LRRC31: variants seen among roughly 807,000 people sequenced by gnomAD.
The protein encoded by LRRC31 is leucine rich repeat containing 31.
Under a neutral mutation model 46.7 loss-of-function variants are expected in LRRC31, and 35 were observed. That is an observed-to-expected ratio of 0.75 (90% CI 0.57 to 0.99). LRRC31 has a LOEUF of 0.99. Ranked by LOEUF, LRRC31 falls within the 50% of genes least tolerant of loss-of-function variation. LRRC31 has a pLI of 0.00. For missense variants in LRRC31, 613 were observed against 626.1 expected, an observed-to-expected ratio of 0.98 and a Z score of 0.22; for synonymous variants, 236 against 235.1, an observed-to-expected ratio of 1.00 and a Z score of -0.03.
rs920281083 is a variant in LRRC31, at chr3:169,839,254, A to G, written c.*728T>C. ...GGAGGCAATATGTTAACAATTTTTT[A>G]AACAATAAAAGGTTTTAATTTATTC... On this transcript the variant is annotated 3_prime_UTR_variant, in exon 9 of 9. Transcript: ENST00000316428. 1 of 152,268 alleles carries G rather than the reference A, an allele frequency of 6.6e-6. No individual in the cohort carries two copies. The highest frequency in any genetic ancestry group is 1.5e-5 in the Non-Finnish European group (1 of 68,040). The allele number at this position is 152,268 out of a possible 1,614,324, so 9.4% of individuals were successfully genotyped here.
rs952224105 is a variant in LRRC31, at chr3:169,869,885, G to T, written c.-78C>A. ...TTTTCTAGGATTTCTAAGAAGAAAA[G>T]AAGATTCTGTCAAGCCTGTGTTCAA... On this transcript the variant is annotated 5_prime_UTR_variant, in exon 1 of 9. Coordinates refer to ENST00000316428, the MANE Select transcript of LRRC31 (RefSeq NM_024727.4). 3 of 1,347,276 alleles carry T rather than the reference G, an allele frequency of 2.2e-6. No homozygotes were observed. Among genetic ancestry groups the T allele is most frequent in the African/African-American group, 1.5e-5 (1 of 68,084 alleles). The allele number at this position is 1,347,276 out of a possible 1,614,324, so 83.5% of individuals were successfully genotyped here. A position where few individuals can be genotyped will look rare whatever the true frequency, so the allele number is the denominator to read the frequency against.
chr3:169,860,242 T>G (rs2108222496), intron 3 of LRRC31, among the ~76,000 whole-genome samples: 1 of 151,832 alleles, frequency 6.6e-6, no homozygotes, highest in Non-Finnish European at 1.5e-5. Context: ...TTTTTTTTTG[T>G]TTGGAGATGG....
At chr3:169,850,403 G>A (rs1780722452) in intron 7 of LRRC31, among the ~76,000 whole-genome samples, 1 of 152,076 alleles carries the variant, frequency 6.6e-6, no homozygotes, top group Non-Finnish European at 1.5e-5. Context: ...CACATGTCTG[G>A]ATGGGGAAAA....
At chr3:169,860,516 C>CG (rs779436897) in intron 3 of LRRC31, 45 bp downstream of exon 3, 1 of 1,604,302 alleles carries the variant, frequency 6.2e-7, no homozygotes, top group Admixed American at 1.7e-5. Context: ...CTGTGAGCCA[C>CG]GGCGCCCGGC....
At chr3:169,843,144 A>G (rs1335770498) in intron 8 of LRRC31, among the ~76,000 whole-genome samples, 1 of 152,186 alleles carries the variant, frequency 6.6e-6, no homozygotes, top group Non-Finnish European at 1.5e-5. Context: ...ATTTCCTCCT[A>G]CTGCTGGCAG....
intron 1 of LRRC31, among the ~76,000 whole-genome samples, chr3:169,867,949 G>A (rs1259544137): frequency 6.6e-6 from 1 of 152,128 alleles, no homozygotes; most frequent in East Asian, 1.9e-4. Flanking sequence ...GACAAACAAG[G>A]AACTCACTGA....
intron 7 of LRRC31, among the ~76,000 whole-genome samples, chr3:169,848,603 C>T (rs992111128): frequency 1.3e-5 from 2 of 152,100 alleles, no homozygotes; most frequent in African/African-American, 2.4e-5. Context: ...GCTACATGTG[C>T]GTGCCACCAC....
chr3:169,848,321 T>A, intron 7 of LRRC31, 34 bp from the exon 8 acceptor site: 1 of 1,596,116 alleles, frequency 6.3e-7, no homozygotes, highest in Non-Finnish European at 8.6e-7. Context: ...AGCAGTAATT[T>A]AGGATTTCTT....
At position 169,857,595 on chromosome 3, in the gene LRRC31, C is replaced by T. The variant is rs1781007039; in HGVS notation, c.488-723G>A. 3.3e-5 allele frequency among the ~76,000 whole-genome samples: 5 copies of T among 151,550 alleles called. No individual in the cohort carries two copies. The South Asian group carries it at 8.3e-4, about 25-fold the overall frequency. ...TCTGAAACCATTACACACTGGAAAGCTCCCAGGGCTGCAGAGTGGAGGCTG... is the reference window on the plus strand; with the variant it reads ...TCTGAAACCATTACACACTGGAAAGTTCCCAGGGCTGCAGAGTGGAGGCTG... On this transcript the variant is annotated intron_variant, in intron 3 of 8. Coordinates refer to ENST00000316428, the MANE Select transcript of LRRC31 (RefSeq NM_024727.4).
rs146504400 is a variant in LRRC31, at chr3:169,859,155, C to T, written c.487+1406G>A. Among the ~76,000 whole-genome samples, 404 of 150,642 alleles carry T rather than the reference C, an allele frequency of 2.7e-3. 3 individuals carry two copies. Among genetic ancestry groups the T allele is most frequent in the African/African-American group, 9.4e-3 (386 of 41,004 alleles). ...AAAAAAATACAAAAAATTAGCCGGG[C>T]ATGGTGGTGCACTCCTGTAATCCCA... On this transcript the variant is annotated intron_variant, in intron 3 of 8. Transcript: ENST00000316428.
intron 3 of LRRC31, among the ~76,000 whole-genome samples, chr3:169,858,124 A>G (rs1560630506): frequency 6.6e-6 from 1 of 152,186 alleles, no homozygotes; most frequent in Non-Finnish European, 1.5e-5. Flanking sequence ...GAAACCATTT[A>G]TTTTCCCTAT....
chr3:169,839,752 T>TTA lies in LRRC31; in HGVS notation c.*228_*229dup, dbSNP rs556511721. ...AATAATGGCATGCTCATATTAGATA[T>TTA]TATATATATATTTACATATATATGT... On this transcript the variant is annotated 3_prime_UTR_variant, in exon 9 of 9. Coordinates refer to ENST00000316428, the MANE Select transcript of LRRC31 (RefSeq NM_024727.4). The TTA allele has an allele frequency of 2.4e-4, 41 of 167,570 alleles. No homozygotes were observed. The highest frequency in any genetic ancestry group is 6.4e-4 in the Admixed American group (10 of 15,586). 10.4% of individuals were successfully genotyped at this position (167,570 alleles called of 1,614,324 possible).
Position 169,856,371 on chromosome 3 carries a change from G to T in LRRC31, c.788C>A (p.Ser263Ter), listed in dbSNP as rs1464038257. The part of the protein sequence containing the change: ...TSNLKVLKLH[S>*]CGLSQKSVKI... ...GACACTCTTTTGTGATAATCCACATGAATGTAACTTCAGTACTTTCAGATT... is the reference window on the plus strand; with the variant it reads ...GACACTCTTTTGTGATAATCCACATTAATGTAACTTCAGTACTTTCAGATT... The change falls in exon 5 of 9, where the codon TCA becomes TAA. Residue 263 changes from serine (S) to a stop codon, truncating the protein, a stop_gained. Transcript: ENST00000316428. LOFTEE classifies it high-confidence loss of function. The T allele has an allele frequency of 6.3e-7, 1 of 1,596,718 alleles. No individual in the cohort carries two copies. The highest frequency in any genetic ancestry group is 1.7e-5 in the Admixed American group (1 of 58,136).
chr3:169,862,248 C>G (rs1201513742), intron 1 of LRRC31, among the ~76,000 whole-genome samples: 1 of 152,190 alleles, frequency 6.6e-6, no homozygotes, highest in African/African-American at 2.4e-5. Flanking sequence ...AAATCACCAT[C>G]AAGGAGCTGC....
chr3:169,851,855 C>G, intron 6 of LRRC31, 69 bp from the exon 7 acceptor site: 3 of 1,499,054 alleles, frequency 2.0e-6, no homozygotes, highest in South Asian at 2.3e-5. Context: ...GTGTTTGGTT[C>G]CCACAATCTG....
intron 6 of LRRC31, chr3:169,853,253 T>C: frequency 1.0e-6 from 1 of 985,304 alleles, no homozygotes; most frequent in Non-Finnish European, 1.2e-6. Flanking sequence ...TTCCATTTCT[T>C]TGGAGCAATT....
rs1157135651 is a variant in LRRC31 at position 169,869,676 on chromosome 3, G to A, written c.132C>T (p.Ser44=). The part of the protein sequence containing the change: ...KEDNDLKTSD[S]QPSDWIQKTA... ...TCTTCTGTATCCAGTCGCTGGGTTG[G>A]GAATCACTTGTTTTAAGGTCATTGT... Residue 44 remains serine, a synonymous_variant, in exon 1 of 9, where the codon TCC becomes TCT. Transcript: ENST00000316428. 6.2e-7 allele frequency: 1 copy of A among 1,610,208 alleles called. No individual in the cohort carries two copies. Among genetic ancestry groups the A allele is most frequent in the African/African-American group, 1.3e-5 (1 of 74,958 alleles).
intron 1 of LRRC31, among the ~76,000 whole-genome samples, chr3:169,868,883 T>C (rs1389740842): frequency 6.6e-6 from 1 of 151,844 alleles, no homozygotes; most frequent in Non-Finnish European, 1.5e-5. Flanking sequence ...TAAAGAAACA[T>C]AGAGGCTGGG....
chr3:169,850,052 CCTT>C (rs1178561201), intron 7 of LRRC31, among the ~76,000 whole-genome samples: 1 of 152,132 alleles, frequency 6.6e-6, no homozygotes, highest in African/African-American at 2.4e-5. Flanking sequence ...AAAACAGAGT[CCTT>C]CTCTCCAACC....
Sources: allele counts gnomAD v4.1 joint callset (sites outside exome capture counted in the v4.1 genomes callset), GRCh38; gene constraint gnomAD v4.1.1; transcripts MANE v1.5; gene names NCBI Gene and HGNC (gene_info 2026-07-23, HGNC 2026-07-21).